The following HUWE1 variants were observed in gnomAD, a reference collection of about 807,000 sequenced individuals.
HUWE1 encodes HECT, UBA and WWE domain containing E3 ubiquitin protein ligase 1.
A neutral mutation model predicts 299.4 loss-of-function variants in HUWE1; 18 were observed. That is an observed-to-expected ratio of 0.06 (90% CI 0.04 to 0.09). The LOEUF (loss-of-function observed/expected upper bound fraction) is 0.09. Among genes scored for constraint, HUWE1 ranks in the 10% least tolerant of loss-of-function variants. The pLI, the probability that HUWE1 is intolerant of heterozygous loss-of-function variation, is 1.00. For synonymous variants in HUWE1, 1,317 were observed against 1,286.1 expected (o/e 1.02, Z -0.51); for missense variants, 1,832 against 3,462.3 (o/e 0.53, Z 11.82).
chrX:53,655,823 G>A (rs968134654), intron 3 of HUWE1, among the ~76,000 whole-genome samples: 1 of 111,832 alleles, frequency 8.9e-6, no homozygotes, highest in East Asian at 2.8e-4. Flanking sequence ...TCTAAGATTA[G>A]GAACAAGGCA....
At chrX:53,592,742 T>C in intron 32 of HUWE1, 114 bp from the exon 33 acceptor site, 2 of 569,759 alleles carry the variant, frequency 3.5e-6, no homozygotes. Flanking sequence ...AGCAACAAAA[T>C]AATTGGCCAA....
rs781852453 is a variant in HUWE1, at chrX:53,538,926, G to A, written c.11787C>T (p.Ser3929=). The change falls in exon 76 of 84, where the codon TCC becomes TCT. Residue 3929 remains serine, a synonymous_variant. Coordinates refer to ENST00000262854, the MANE Select transcript of HUWE1 (RefSeq NM_031407.7). ...CCCGGGAGAAGAATGGGTCAAGGGA[G>A]GAAGGCGTGGCTGGGGTTAAGGGGG... ...SPAPLTPATP[S]SLDPFFSREP... 5 of 1,205,697 alleles carry A rather than the reference G, an allele frequency of 4.1e-6. No individual in the cohort carries two copies. Among genetic ancestry groups the A allele is most frequent in the South Asian group, 1.8e-5 (1 of 56,243 alleles).
chrX:53,578,945 G>A (rs1556963242), intron 43 of HUWE1, among the ~76,000 whole-genome samples: 21 of 74,920 alleles, frequency 2.8e-4, no homozygotes, highest in African/African-American at 9.0e-4. Context: ...CCGTCCGGGA[G>A]GTGAGGGGCG....
intron 47 of HUWE1, among the ~76,000 whole-genome samples, chrX:53,570,187 T>C (rs894933369): frequency 1.8e-5 from 2 of 108,839 alleles, no homozygotes; most frequent in African/African-American, 3.7e-5. Flanking sequence ...TTCACAGGCA[T>C]GATCATCGCA....
intron 80 of HUWE1, chrX:53,535,787 T>C (rs1052428008): frequency 7.8e-6 from 3 of 386,781 alleles, no homozygotes; most frequent in Non-Finnish European, 1.4e-5. Context: ...GGCTAACATA[T>C]GTAACGGAAT....
At position 53,576,068 on chromosome X, in the gene HUWE1, T is replaced by C. The variant is rs184819458; in HGVS notation, c.5885-280A>G. ...GCTCATGCAGTGGTGGGTCAATAAATGGTTGCCACAGCTATATAGCTAAAC... is the reference window on the plus strand; with the variant it reads ...GCTCATGCAGTGGTGGGTCAATAAACGGTTGCCACAGCTATATAGCTAAAC... On this transcript the variant is annotated intron_variant, in intron 44 of 83. Coordinates refer to ENST00000262854, the MANE Select transcript of HUWE1 (RefSeq NM_031407.7). Among the ~76,000 whole-genome samples the C allele has an allele frequency of 2.7e-5, 3 of 112,255 alleles. No homozygotes were observed. The Admixed American group carries it at 2.8e-4, about 11-fold the overall frequency.
At chrX:53,609,513 GAC>G (rs1392201452) in intron 23 of HUWE1, among the ~76,000 whole-genome samples, 1 of 112,134 alleles carries the variant, frequency 8.9e-6, no homozygotes, top group African/African-American at 3.2e-5. Context: ...TTTGCAGCAT[GAC>G]AGTTCCTGAA....
intron 19 of HUWE1, among the ~76,000 whole-genome samples, chrX:53,618,588 G>T (rs185106883): frequency 9.8e-6 from 1 of 102,409 alleles, no homozygotes; most frequent in Non-Finnish European, 2.0e-5. Context: ...TTTTTTAGAC[G>T]GAGTCTCACT....
intron 42 of HUWE1, among the ~76,000 whole-genome samples, chrX:53,581,437 A>C (rs2063608430): frequency 8.9e-6 from 1 of 112,371 alleles, no homozygotes; most frequent in Non-Finnish European, 1.9e-5. Flanking sequence ...GTCAACCATC[A>C]GTCTGAGATA....
At chrX:53,619,436 C>T (rs1467113231) in intron 19 of HUWE1, among the ~76,000 whole-genome samples, 1 of 109,991 alleles carries the variant, frequency 9.1e-6, no homozygotes, top group Admixed American at 9.7e-5. Flanking sequence ...TGCACTGGGA[C>T]CCCTATACAA....
At chrX:53,607,427 T>C (rs1362413136) in intron 25 of HUWE1, 96 bp downstream of exon 25, 2 of 717,236 alleles carry the variant, frequency 2.8e-6, no homozygotes, top group African/African-American at 4.3e-5. Flanking sequence ...CATTATTTTT[T>C]AGTTGAAGGG....
chrX:53,568,914 G>A, intron 48 of HUWE1, 40 bp from the exon 49 acceptor site: 1 of 1,110,693 alleles, frequency 9.0e-7, no homozygotes, highest in Non-Finnish European at 1.2e-6. Flanking sequence ...TATGAATATA[G>A]CCATTTCTCA....
rs1317152071 is a variant in HUWE1, at chrX:53,654,074, G to C, written c.34C>G (p.Pro12Ala). 32 of 1,185,856 alleles carry C rather than the reference G, an allele frequency of 2.7e-5. No individual in the cohort carries two copies. The highest frequency in any genetic ancestry group is 3.7e-5 in the Non-Finnish European group (32 of 874,178). The stretch of plus-strand genomic sequence containing the variant: ...TTTTGGATACTTACAGCCTCAGTAG[G>C]TGTCTTCTTCAGTTTAGTCCTGTCT... The part of the protein sequence containing the change: ...KVDRTKLKKT[P>A]TEAPADCRAL... The change falls in exon 4 of 84, where the codon CCT becomes GCT. Residue 12 changes from proline (P) to alanine (A), a missense_variant. Physicochemically the swap from Pro to Ala is conservative, Grantham distance 27. Around this residue, in one of 15 missense-constraint regions of HUWE1, gnomAD observed 658 missense variants for 1,282.6 expected, o/e 0.51. Transcript: ENST00000262854.
intron 7 of HUWE1, among the ~76,000 whole-genome samples, chrX:53,644,126 A>C (rs782461020): frequency 8.5e-4 from 95 of 112,391 alleles, no homozygotes; most frequent in Non-Finnish European, 1.6e-3. Context: ...TGCCCAGCCC[A>C]AATTTTTTCT....
chrX:53,637,246 C>T (rs887360853), intron 7 of HUWE1, among the ~76,000 whole-genome samples: 2 of 112,347 alleles, frequency 1.8e-5, no homozygotes, highest in Non-Finnish European at 3.8e-5. Flanking sequence ...TGGTCAATTC[C>T]ACTCTTAATT....
At position 53,580,905 on chromosome X, in the gene HUWE1, T is replaced by C. The variant is rs201965065; in HGVS notation, c.5642A>G (p.Asn1881Ser). The C allele has an allele frequency of 2.7e-4, 322 of 1,209,664 alleles. No homozygotes were observed. The highest frequency in any genetic ancestry group is 3.5e-4 in the Non-Finnish European group (311 of 895,095). Reference protein sequence around the residue: ...LRVLGPAACRNPDIFTEVANC... With the variant: ...LRVLGPAACRSPDIFTEVANC... ...GGCCACTTCTGTGAATATGTCTGGATTGCGGCATGCGGCTGGCCCAAGGAC... is the reference window on the plus strand; with the variant it reads ...GGCCACTTCTGTGAATATGTCTGGACTGCGGCATGCGGCTGGCCCAAGGAC... The change falls in exon 43 of 84, where the codon AAT becomes AGT. Residue 1881 changes from asparagine (N) to serine (S), a missense_variant. By Grantham distance (46) the Asn-to-Ser change is conservative. Coordinates refer to ENST00000262854, the MANE Select transcript of HUWE1 (RefSeq NM_031407.7).
At chrX:53,566,025 C>T (rs2062515606) in intron 49 of HUWE1, among the ~76,000 whole-genome samples, 1 of 105,917 alleles carries the variant, frequency 9.4e-6, no homozygotes, top group Non-Finnish European at 1.9e-5. Flanking sequence ...TGAGACCAAC[C>T]AGGTGCCCAC....
intron 77 of HUWE1, 68 bp from the exon 78 acceptor site, chrX:53,537,764 G>A: frequency 1.1e-5 from 11 of 1,047,349 alleles, no homozygotes; most frequent in Non-Finnish European, 1.4e-5. Flanking sequence ...GTGTGATTAG[G>A]AAGAAGACCC....
chrX:53,619,373 C>A (rs1236623115), intron 19 of HUWE1, among the ~76,000 whole-genome samples: 1 of 110,695 alleles, frequency 9.0e-6, no homozygotes, highest in Non-Finnish European at 1.9e-5. Context: ...GTTCTACAAG[C>A]AATTACTAAG....
Sources: allele counts gnomAD v4.1 joint callset (sites outside exome capture counted in the v4.1 genomes callset), GRCh38; gene constraint gnomAD v4.1.1; regional missense constraint gnomAD v4.1.1; transcripts MANE v1.5; gene names NCBI Gene and HGNC (gene_info 2026-07-23, HGNC 2026-07-21).